MCF2L: variants seen among roughly 807,000 people sequenced by gnomAD.
The protein encoded by MCF2L is MCF.2 cell line derived transforming sequence like, also known as guanine nucleotide exchange factor DBS.
Under a neutral mutation model 153.4 loss-of-function variants are expected in MCF2L, and 97 were observed. The ratio of observed to expected loss-of-function variants is 0.63; its 90% CI spans 0.54 to 0.75. The LOEUF (loss-of-function observed/expected upper bound fraction) is 0.75. MCF2L is among the 30% of genes least tolerant of loss of function. MCF2L has a pLI of 0.00. For missense variants in MCF2L, 1,347 were observed against 1,495.2 expected (o/e 0.90, Z 1.64); for synonymous variants, 659 against 632.2 (o/e 1.04, Z -0.64).
chr13:113,063,806 G>A lies in MCF2L; in HGVS notation c.490-498G>A, dbSNP rs540991065. On this transcript the variant is annotated intron_variant, in intron 5 of 29. Transcript: ENST00000535094. The stretch of plus-strand genomic sequence containing the variant: ...ACGGCACTGAAACACGGACACACAC[G>A]TGTCAACAACTGCATCCTTCACATC... The A allele has an allele frequency of 5.5e-5, 24 of 438,782 alleles. No individual in the cohort carries two copies. The East Asian group carries it at 7.0e-4, about 13-fold the overall frequency. 27.2% of individuals were successfully genotyped at this position (438,782 alleles called of 1,614,324 possible). A position where few individuals can be genotyped will look rare whatever the true frequency, so the allele number is the denominator to read the frequency against.
At chr13:112,905,982 C>A (rs1398416577) in intron 2 of MCF2L, among the ~76,000 whole-genome samples, 2 of 152,210 alleles carry the variant, frequency 1.3e-5, no homozygotes, top group African/African-American at 4.8e-5. Flanking sequence ...CTTTATTTTC[C>A]TGCTGGGCGA....
At chr13:112,899,597 C>G (rs919245836) in intron 1 of MCF2L, among the ~76,000 whole-genome samples, 1 of 152,190 alleles carries the variant, frequency 6.6e-6, no homozygotes, top group African/African-American at 2.4e-5. Context: ...TTGTTCGAAG[C>G]AGCTGGAGGA....
At chr13:113,057,835 G>A (rs377286779) in intron 4 of MCF2L, among the ~76,000 whole-genome samples, 10 of 148,956 alleles carry the variant, frequency 6.7e-5, no homozygotes, top group Non-Finnish European at 8.9e-5. Flanking sequence ...CTGTGTGGGC[G>A]CTGAGTGTTT....
At chr13:113,066,294 C>G (rs921350494) in intron 8 of MCF2L, 124 bp downstream of exon 8, 65 of 1,212,650 alleles carry the variant, frequency 5.4e-5, no homozygotes, top group Non-Finnish European at 6.8e-5. Flanking sequence ...GGCAACCCCA[C>G]TCCTGGCCAG....
chr13:113,006,876 G>A (rs191252643), intron 1 of MCF2L, among the ~76,000 whole-genome samples: 55 of 152,346 alleles, frequency 3.6e-4, no homozygotes, highest in Non-Finnish European at 6.9e-4. Flanking sequence ...GGTCTGTGGC[G>A]GGGTGTGGGG....
chr13:113,050,644 G>T (rs1244133381), intron 4 of MCF2L, among the ~76,000 whole-genome samples: 3 of 122,242 alleles, frequency 2.5e-5, no homozygotes, highest in Non-Finnish European at 5.2e-5. Context: ...CGGTGGGGGC[G>T]GTGGGAGCCG....
chr13:113,081,133 G>A, intron 15 of MCF2L, 80 bp from the exon 16 acceptor site: 2 of 1,205,102 alleles, frequency 1.7e-6, no homozygotes, highest in Non-Finnish European at 2.3e-6. Flanking sequence ...ATTCTAGGTG[G>A]CACCTGTGAG....
At chr13:113,013,071 T>A (rs1294978496) in intron 1 of MCF2L, among the ~76,000 whole-genome samples, 3 of 152,084 alleles carry the variant, frequency 2.0e-5, no homozygotes, top group Non-Finnish European at 4.4e-5. Context: ...TCCTCTCAGG[T>A]CACAGTCGCT....
rs756731788 is a variant in MCF2L at position 113,060,691 on chromosome 13, T to C, written c.468T>C (p.Asp156=). Residue 156 remains aspartate, a synonymous_variant, in exon 5 of 30, where the codon GAT becomes GAC. Coordinates refer to ENST00000535094, the MANE Select transcript of MCF2L (RefSeq NM_001112732.3). ...ACATCGCTTTCAAATTCAATAGAGA[T>C]GACTTTAAGATGAAGGTGCCGGTAA... is the stretch of plus-strand genomic sequence containing the variant. ...LSDIAFKFNR[D]DFKMKVPVIM... is the part of the protein sequence containing the mutation. 1.1e-5 allele frequency: 17 copies of C among 1,613,332 alleles called. No homozygotes were observed. In the South Asian group the frequency reaches 1.9e-4, roughly 18 times the overall value.
At chr13:112,895,490 G>A (rs1175121916) in intron 1 of MCF2L, among the ~76,000 whole-genome samples, 1 of 152,090 alleles carries the variant, frequency 6.6e-6, no homozygotes, top group Non-Finnish European at 1.5e-5. Flanking sequence ...CCAGGTGGGT[G>A]CTGGATGCTG....
At chr13:113,033,377 A>G (rs371659768) in intron 3 of MCF2L, among the ~76,000 whole-genome samples, 56 of 28,360 alleles carry the variant, frequency 2.0e-3, no homozygotes, top group East Asian at 4.0e-3. Context: ...GGCCCCCGTG[A>G]CGTGAGTGGC....
rs866854077 is a variant in MCF2L at position 113,096,375 on chromosome 13, C to A, written c.3080C>A (p.Pro1027Gln). The change falls in exon 28 of 30, where the codon CCA (proline) becomes CAA (glutamine). Residue 1027 changes from proline (P) to glutamine (Q), a missense_variant. Physicochemically the swap from Pro to Gln is moderately conservative, Grantham distance 76 (BLOSUM62 -1). Around this residue, in one of 3 missense-constraint regions of MCF2L, gnomAD observed 383 missense variants for 335.4 expected, o/e 1.14. Coordinates refer to ENST00000535094, the MANE Select transcript of MCF2L (RefSeq NM_001112732.3). ...CCCCTGCCCGTCTCCCACCAGGTTC[C>A]AGGTAAATACACGGTCGTGGCGGAC... ...DGGLGPKKLV[P>Q]GKYTVVADHE... 6.3e-7 allele frequency: 1 copy of A among 1,576,152 alleles called. No homozygotes were observed. Among genetic ancestry groups the A allele is most frequent in the East Asian group, 2.3e-5 (1 of 42,668 alleles).
intron 2 of MCF2L, among the ~76,000 whole-genome samples, chr13:113,019,401 G>A: frequency 6.6e-6 from 1 of 152,210 alleles, no homozygotes; most frequent in Middle Eastern, 3.2e-3. Context: ...TGCGCTCCCT[G>A]AGGCCGATGG....
In MCF2L at chr13:113,058,753, G is replaced by GGGTGC. The variant is rs1555377903; in HGVS notation, c.370-1840_370-1839insGGTGC. On this transcript the variant is annotated intron_variant, in intron 4 of 29. Transcript: ENST00000535094. ...TGTGTGGGCGCTGAGTGGGCGCTGT[G>GGGTGC]TGTTTGGGGGCTGAGTATTTGGGGG... Among the ~76,000 whole-genome samples, 6 of 133,608 alleles carry GGGTGC rather than the reference G, an allele frequency of 4.5e-5. 1 individual carries two copies. Among genetic ancestry groups the GGGTGC allele is most frequent in the African/African-American group, 1.2e-4 (4 of 34,052 alleles). The allele number at this position is 133,608 out of a possible 152,430, so 87.7% of individuals were successfully genotyped here.
At chr13:112,944,569 CTTTTT>C (rs34676086) in intron 2 of MCF2L, among the ~76,000 whole-genome samples, 1 of 102,174 alleles carries the variant, frequency 9.8e-6, no homozygotes. Context: ...TAAACCTGAA[CTTTTT>C]TTTTTTTTTT....
chr13:112,942,807 G>A (rs2081589789), intron 2 of MCF2L, among the ~76,000 whole-genome samples: 1 of 152,124 alleles, frequency 6.6e-6, no homozygotes, highest in Non-Finnish European at 1.5e-5. Context: ...CCCCTATTGT[G>A]GGTGACTTAA....
intron 1 of MCF2L, among the ~76,000 whole-genome samples, chr13:112,895,966 AG>A (rs2081063946): frequency 6.6e-6 from 1 of 152,100 alleles, no homozygotes; most frequent in South Asian, 2.1e-4. Flanking sequence ...CTGTGAAATG[AG>A]GGGGGCCCCT....
rs1045972095 is a variant in MCF2L, at chr13:113,045,658, G to A, written c.369+297G>A. On this transcript the variant is annotated intron_variant, in intron 4 of 29. Coordinates refer to ENST00000535094, the MANE Select transcript of MCF2L (RefSeq NM_001112732.3). This position sits in a 1 kb window ranked among gnomAD's most constrained non-coding sequence, Gnocchi z 4.2. ...CCGAACACCAAGTCTGAGATGCTCG[G>A]GACTGAATATGCCTCTTACATATTT... 1.9e-5 allele frequency: 9 copies of A among 478,870 alleles called. No individual in the cohort carries two copies. The highest frequency in any genetic ancestry group is 1.7e-4 in the African/African-American group (9 of 51,920). 29.7% of individuals were successfully genotyped at this position (478,870 alleles called of 1,614,324 possible). A position where few individuals can be genotyped will look rare whatever the true frequency, so the allele number is the denominator to read the frequency against.
chr13:112,983,741 C>T lies in MCF2L; in HGVS notation c.79+14283C>T, dbSNP rs2082526062. ...CCCGGGGAAGCGTGGTGTCTGCAGC[C>T]TCCTGGGCCTTCCCTTCTGCCTGGC... On this transcript the variant is annotated intron_variant, in intron 1 of 29. Coordinates refer to ENST00000535094, the MANE Select transcript of MCF2L (RefSeq NM_001112732.3). This position sits in a 1 kb window ranked among gnomAD's most constrained non-coding sequence, Gnocchi z 4.0. Among the ~76,000 whole-genome samples the T allele has an allele frequency of 6.6e-6, 1 of 152,240 alleles. No homozygotes were observed. The highest frequency in any genetic ancestry group is 1.5e-5 in the Non-Finnish European group (1 of 68,038).
Sources: gnomAD v4.1 joint callset for allele counts (sites outside exome capture counted in the v4.1 genomes callset) on GRCh38, gnomAD v4.1.1 for gene constraint, gnomAD v4.1.1 regional missense constraint, Gnocchi (gnomAD v3.1) non-coding constraint, MANE v1.5 for transcripts, NCBI Gene and HGNC (gene_info 2026-07-23, HGNC 2026-07-21) for gene names.